ANKAR: variants seen among roughly 807,000 people sequenced by gnomAD.
ANKAR encodes ankyrin and armadillo repeat containing, also known as ankyrin and armadillo repeat-containing protein.
ANKAR carries 136 observed loss-of-function variants against 146.2 expected under a neutral mutation model. That is an observed-to-expected ratio of 0.93 (90% CI 0.81 to 1.07). The LOEUF (loss-of-function observed/expected upper bound fraction) is 1.07, where lower values mean the gene tolerates loss of function less well. ANKAR is among the 50% of genes least tolerant of loss of function. ANKAR has a pLI of 0.00. For synonymous variants in ANKAR, 500 were observed against 575.8 expected (o/e 0.87, Z 1.88); for missense variants, 1,567 against 1,679.9 (o/e 0.93, Z 1.18).
In ANKAR at chr2:189,733,062, C is replaced by A. The variant is rs771261312; in HGVS notation, c.3301-45C>A. The A allele has an allele frequency of 1.9e-6, 3 of 1,563,254 alleles. No homozygotes were observed. In the South Asian group the frequency reaches 3.7e-5, roughly 19 times the overall value. On this transcript the variant is annotated intron_variant, in intron 16 of 22. Transcript: ENST00000684021. ...GCCTGCACAATGAAATGTGTAATTT[C>A]ATAAAGCATAATTGAAAAGTAATTT...
At chr2:189,696,962 T>C (rs558102822) in intron 7 of ANKAR, among the ~76,000 whole-genome samples, 1 of 152,318 alleles carries the variant, frequency 6.6e-6, no homozygotes, top group East Asian at 1.9e-4. Flanking sequence ...TAACCTCATT[T>C]AAACTTTAAA....
intron 20 of ANKAR, among the ~76,000 whole-genome samples, chr2:189,742,852 ATTAGAAT>A: frequency 3.3e-5 from 1 of 30,132 alleles, no homozygotes; most frequent in African/African-American, 5.2e-5. Context: ...ACACACACAC[ATTAGAAT>A]TACCTGACAC....
At chr2:189,748,243 C>T (rs1359391629), downstream of ANKAR, among the ~76,000 whole-genome samples, 1 of 152,156 alleles carries the variant, frequency 6.6e-6, no homozygotes, top group Non-Finnish European at 1.5e-5. Flanking sequence ...TGCTCTGTTA[C>T]CCAGGTTGGA....
intron 22 of ANKAR, among the ~76,000 whole-genome samples, chr2:189,745,030 A>C (rs10173453): frequency 0.035 from 2,254 of 65,018 alleles, 99 homozygotes; most frequent in African/African-American, 0.083. Flanking sequence ...ACTACTACTA[A>C]TAATACAAAA....
rs544538196 is a variant in ANKAR, at chr2:189,677,304, C to T, written c.601+213C>T. Among the ~76,000 whole-genome samples the T allele has an allele frequency of 1.1e-4, 17 of 151,852 alleles. 1 individual carries two copies. In the East Asian group the frequency reaches 1.6e-3, roughly 14 times the overall value. On this transcript the variant is annotated intron_variant, in intron 2 of 22. Transcript: ENST00000684021. ...TTTTTAAAATTTTTAAATTTTATTT[C>T]GATAGTTTTTGGGGGAACAGGTGGT...
intron 9 of ANKAR, among the ~76,000 whole-genome samples, chr2:189,709,157 G>A (rs1349533258): frequency 1.3e-5 from 2 of 151,984 alleles, no homozygotes; most frequent in South Asian, 2.1e-4. Context: ...AAAGAGACAC[G>A]ACCATAGTAC....
rs2042569348 is a variant in ANKAR, at chr2:189,733,217, C to T, written c.3411C>T (p.His1137=). The stretch of plus-strand genomic sequence containing the variant: ...ATGCTGATGTCCTTTATCTTCTTCA[C>T]TCAACAGAAAAGGTAATACCTTTAC... The part of the protein sequence containing the change: ...FEYADVLYLL[H]STEKDICLRA... The change falls in exon 17 of 23, where the codon CAC becomes CAT. Residue 1137 remains histidine (H), a synonymous_variant. Transcript: ENST00000684021. 6.2e-7 allele frequency: 1 copy of T among 1,604,058 alleles called. No individual in the cohort carries two copies. Among genetic ancestry groups the T allele is most frequent in the Non-Finnish European group, 8.5e-7 (1 of 1,176,198 alleles).
At chr2:189,677,924 A>G (rs1188056819) in intron 2 of ANKAR, among the ~76,000 whole-genome samples, 1 of 152,168 alleles carries the variant, frequency 6.6e-6, no homozygotes. Flanking sequence ...TTTTTCATAT[A>G]GTGACTTCTT....
chr2:189,739,836 A>G (rs2043168199), intron 19 of ANKAR, among the ~76,000 whole-genome samples: 1 of 152,164 alleles, frequency 6.6e-6, no homozygotes, highest in Non-Finnish European at 1.5e-5. Context: ...TGCTGGGATT[A>G]CAGGTATGAG....
intron 18 of ANKAR, among the ~76,000 whole-genome samples, chr2:189,752,222 C>G (rs540009395): frequency 6.6e-6 from 1 of 152,246 alleles, no homozygotes; most frequent in East Asian, 1.9e-4. Context: ...TTGCAGGAAA[C>G]AGCTATCTTT....
rs375425287 is a variant in ANKAR, at chr2:189,728,766, G to A, written c.3138G>A (p.Thr1046=). The part of the protein sequence containing the change: ...APLVRLLRIS[T]IAEGTLLSVI... Reference sequence around the variant, plus strand: ...TGGTTCGCTTACTAAGAATTAGTACGATTGCTGAAGGCACACTTCTCAGTG... The same window carrying A: ...TGGTTCGCTTACTAAGAATTAGTACAATTGCTGAAGGCACACTTCTCAGTG... Residue 1046 remains threonine, a synonymous_variant, in exon 15 of 23, where the codon ACG becomes ACA. Transcript: ENST00000684021. 1.1e-5 allele frequency: 18 copies of A among 1,613,922 alleles called. No homozygotes were observed. The highest frequency in any genetic ancestry group is 2.2e-5 in the East Asian group (1 of 44,892).
At chr2:189,740,230 T>C (rs1436148928) in intron 19 of ANKAR, among the ~76,000 whole-genome samples, 1 of 152,254 alleles carries the variant, frequency 6.6e-6, no homozygotes, top group Non-Finnish European at 1.5e-5. Context: ...TTTAGTTCTC[T>C]TTCTTAGCTG....
At chr2:189,732,576 G>T (rs2042508279) in intron 16 of ANKAR, among the ~76,000 whole-genome samples, 1 of 147,598 alleles carries the variant, frequency 6.8e-6, no homozygotes, top group Admixed American at 7.0e-5. Context: ...CAGGAGAATC[G>T]CTTGAACCCA....
chr2:189,761,282 T>G, downstream of ANKAR: 2 of 841,758 alleles, frequency 2.4e-6, no homozygotes, highest in Non-Finnish European at 3.5e-6. Flanking sequence ...TGTTTGAGGT[T>G]TTCTATAGCA....
chr2:189,714,962 AAAAAAGAGAG>A (rs1256152302), intron 10 of ANKAR, among the ~76,000 whole-genome samples: 1 of 144,314 alleles, frequency 6.9e-6, no homozygotes, highest in Non-Finnish European at 1.5e-5. Context: ...AAAAAAAAAA[AAAAAAGAGAG>A]AGAGAGAGAA....
chr2:189,676,325 G>T, intron 1 of ANKAR, 131 bp from the exon 2 acceptor site: 1 of 775,970 alleles, frequency 1.3e-6, no homozygotes, highest in Non-Finnish European at 1.9e-6. Flanking sequence ...TTTTTAATTT[G>T]AAAACTATAA....
At chr2:189,762,834 G>A (rs1355479660), downstream of ANKAR, 1 of 985,346 alleles carries the variant, frequency 1.0e-6, no homozygotes, top group East Asian at 1.1e-4. Context: ...GCTGGCTGCT[G>A]TTCCGCTAGC....
At chr2:189,736,512 G>GTGTGTGTGTGTGTGTGTGTGTATGTGATT (rs2042862807) in intron 17 of ANKAR, among the ~76,000 whole-genome samples, 1 of 92,806 alleles carries the variant, frequency 1.1e-5, no homozygotes, top group Non-Finnish European at 2.2e-5. Flanking sequence ...TTGTGTGTGT[G>GTGTGTGTGTGTGTGTGTGTGTATGTGATT]TGTGTGTGTG....
At chr2:189,744,859 T>C (rs2043820050) in intron 22 of ANKAR, 71 bp downstream of exon 22, 1 of 1,275,858 alleles carries the variant, frequency 7.8e-7, no homozygotes, top group Non-Finnish European at 1.1e-6. Context: ...ATTCCATCTC[T>C]AAAAATTCAA....
Sources: allele counts gnomAD v4.1 joint callset (sites outside exome capture counted in the v4.1 genomes callset), GRCh38; gene constraint gnomAD v4.1.1; transcripts MANE v1.5; gene names NCBI Gene and HGNC (gene_info 2026-07-23, HGNC 2026-07-21).